Variants in NPHS1 observed in about 807,000 individuals in gnomAD.
The protein encoded by NPHS1 is NPHS1 adhesion molecule, nephrin.
In NPHS1, 107 loss-of-function variants were observed where a neutral mutation model predicts 139.7. The observed-to-expected ratio is 0.77, with a 90% CI of 0.66 to 0.90. NPHS1 has a LOEUF of 0.90. NPHS1 is among the 40% of genes least tolerant of loss of function. The pLI is 0.00. For missense variants in NPHS1, 1,580 were observed against 1,654.2 expected, an observed-to-expected ratio of 0.96 and a Z score of 0.78; for synonymous variants, 707 against 706.6, an observed-to-expected ratio of 1.00 and a Z score of -0.01.
At chr19:35,827,992 A>G (rs1297666239) in intron 28 of NPHS1, among the ~76,000 whole-genome samples, 1 of 152,202 alleles carries the variant, frequency 6.6e-6, no homozygotes, top group Admixed American at 6.5e-5. Context: ...GCAACTGTGG[A>G]ATGTAAGTTA....
chr19:35,851,104 G>A lies in NPHS1; in HGVS notation c.398-15C>T. 6.2e-7 allele frequency: 1 copy of A among 1,614,156 alleles called. No individual in the cohort carries two copies. Among genetic ancestry groups the A allele is most frequent in the Middle Eastern group, 1.6e-4 (1 of 6,062 alleles). On this transcript the variant is annotated splice_polypyrimidine_tract_variant and intron_variant, in intron 3 of 28. Transcript: ENST00000378910. ...CTTGGGAGGAACTGGTGAGAGAAGG[G>A]TCTGGGGTAAGCTTCCAGCACTGAG...
chr19:35,845,341 G>C lies in NPHS1; in HGVS notation c.1930+27C>G. 1 of 1,613,718 alleles carries C rather than the reference G, an allele frequency of 6.2e-7. No homozygotes were observed. The highest frequency in any genetic ancestry group is 8.5e-7 in the Non-Finnish European group (1 of 1,179,608). On this transcript the variant is annotated intron_variant, in intron 14 of 28. Transcript: ENST00000378910. This position sits in a 1 kb window ranked among gnomAD's most constrained non-coding sequence, Gnocchi z 5.5. ...TAGTTTAGGGTCAAGAAGGCATCGA[G>C]AGGGGCTTTCAGGCCGGGGCACATA...
At chr19:35,828,544 A>G (rs1236323057) in intron 28 of NPHS1, among the ~76,000 whole-genome samples, 1 of 152,226 alleles carries the variant, frequency 6.6e-6, no homozygotes, top group East Asian at 1.9e-4. Context: ...GATTATAGGC[A>G]TGAGCCACCG....
Position 35,848,839 on chromosome 19 carries a change from C to T in NPHS1, c.1013-45G>A, listed in dbSNP as rs1320677040. 3.7e-6 allele frequency: 6 copies of T among 1,613,492 alleles called. No homozygotes were observed. The East Asian group carries it at 1.1e-4, about 30-fold the overall frequency. On this transcript the variant is annotated intron_variant, in intron 8 of 28. Coordinates refer to ENST00000378910, the MANE Select transcript of NPHS1 (RefSeq NM_004646.4). ...AGACACTAAGCTGGGCTGGATTTCTCACAGACCAGCCCAGACAGAACAGGA... is the reference window on the plus strand; with the variant it reads ...AGACACTAAGCTGGGCTGGATTTCTTACAGACCAGCCCAGACAGAACAGGA...
In NPHS1 at chr19:35,825,551, C is replaced by G. The variant is rs1460548620; in HGVS notation, c.*963G>C. 6.6e-6 allele frequency among the ~76,000 whole-genome samples: 1 copy of G among 151,470 alleles called. No individual in the cohort carries two copies. The highest frequency in any genetic ancestry group is 1.5e-5 in the Non-Finnish European group (1 of 67,900). ...TTCTCCCATGCCTTTTTGCAGTCAA[C>G]CCTCCTCTCATGGCCCCAGGAAACC... is the stretch of plus-strand genomic sequence containing the variant. On this transcript the variant is annotated 3_prime_UTR_variant, in exon 29 of 29. Coordinates refer to ENST00000378910, the MANE Select transcript of NPHS1 (RefSeq NM_004646.4).
chr19:35,849,253 T>C lies in NPHS1; in HGVS notation c.823A>G (p.Thr275Ala). Residue 275 changes from threonine to alanine, a missense_variant, in exon 7 of 29, where the codon ACA becomes GCA. By Grantham distance (58) the Thr-to-Ala change is moderately conservative (BLOSUM62 0). Transcript: ENST00000378910. ...GCCCTCACCTTCAGCCACTGCAGTG[T>C]GGCTAAGGGATTACCCCCTCGGGCC... ...CVARGGNPLA[T>A]LQWLKNGQPV... is the part of the protein sequence containing the mutation. 6.2e-7 allele frequency: 1 copy of C among 1,613,862 alleles called. No homozygotes were observed.
chr19:35,831,083 G>A lies in NPHS1; in HGVS notation c.3451C>T (p.Pro1151Ser). Residue 1151 changes from proline (P) to serine (S), a missense_variant, in exon 27 of 29, where the codon CCG becomes TCG. By Grantham distance (74) the Pro-to-Ser change is moderately conservative (BLOSUM62 -1). Transcript: ENST00000378910. The part of the protein sequence containing the change: ...SLRDFSPQLP[P>S]TQEEVSYSRG... ...GAATAAGACACCTCCTCCTGCGTCG[G>A]GGGCAGCTGGGGGCTGAAGTCCCTC... 1 of 1,614,134 alleles carries A rather than the reference G, an allele frequency of 6.2e-7. No homozygotes were observed.
At chr19:35,840,818 A>T (rs376426049) in intron 20 of NPHS1, among the ~76,000 whole-genome samples, 2 of 148,910 alleles carry the variant, frequency 1.3e-5, no homozygotes, top group Non-Finnish European at 3.0e-5. Context: ...CCTCCCGAGT[A>T]ACTGGGATTA....
Position 35,845,180 on chromosome 19 carries a change from G to A in NPHS1, c.1930+188C>T, listed in dbSNP as rs1199136492. ...AGCTACTCGGGAGGCTGAGGTGGGA[G>A]TATCACTTGAGCTCAGGAGTTGGAG... On this transcript the variant is annotated intron_variant, in intron 14 of 28. Coordinates refer to ENST00000378910, the MANE Select transcript of NPHS1 (RefSeq NM_004646.4). This position sits in a 1 kb window ranked among gnomAD's most constrained non-coding sequence, Gnocchi z 5.5. Among the ~76,000 whole-genome samples the A allele has an allele frequency of 1.3e-5, 2 of 152,288 alleles. No individual in the cohort carries two copies. Among genetic ancestry groups the A allele is most frequent in the East Asian group, 3.9e-4 (2 of 5,186 alleles).
Position 35,850,941 on chromosome 19 carries a change from C to T in NPHS1, c.526+20G>A. 1 of 1,613,686 alleles carries T rather than the reference C, an allele frequency of 6.2e-7. No individual in the cohort carries two copies. Among genetic ancestry groups the T allele is most frequent in the African/African-American group, 1.3e-5 (1 of 75,056 alleles). ...AGAGGCTTCATGCTGCCCCCTGCCA[C>T]CCAGTTCACCCACACTCACTCAGGA... On this transcript the variant is annotated intron_variant, in intron 4 of 28. Coordinates refer to ENST00000378910, the MANE Select transcript of NPHS1 (RefSeq NM_004646.4).
In NPHS1 at chr19:35,839,434, A is replaced by T. The variant is rs761551004; in HGVS notation, c.2928-16T>A. On this transcript the variant is annotated splice_polypyrimidine_tract_variant and intron_variant, in intron 21 of 28. Transcript: ENST00000378910. ...GGCCTCATACCTGCAGGACAGGGGG[A>T]TAGTAAATTCAGGGAAGTGCCCTAG... 6.8e-6 allele frequency: 11 copies of T among 1,613,732 alleles called. No homozygotes were observed. The highest frequency in any genetic ancestry group is 9.3e-6 in the Non-Finnish European group (11 of 1,179,886).
rs1235916533 is a variant in NPHS1, at chr19:35,848,987, A to G, written c.1001T>C (p.Leu334Pro). The change falls in exon 8 of 29, where the codon CTG becomes CCG. Residue 334 changes from leucine to proline, a missense_variant. By Grantham distance (98) the Leu-to-Pro change is moderately conservative. Transcript: ENST00000378910. ...SAGTQEHGIT[L>P]QVTFPPSAII... ...GCACCAGGACTCACAGGTGACCTGC[A>G]GTGTGATGCCGTGCTCCTGGGTCCC... is the stretch of plus-strand genomic sequence containing the variant. 1 of 1,611,888 alleles carries G rather than the reference A, an allele frequency of 6.2e-7. No individual in the cohort carries two copies. The highest frequency in any genetic ancestry group is 8.5e-7 in the Non-Finnish European group (1 of 1,180,026).
chr19:35,826,519 C>T lies in NPHS1; in HGVS notation c.3721G>A (p.Val1241Met), dbSNP rs778231541. ...SLPFELRGHL[V>M] ...CAATGGGGTTGAGAGGGCTCTTACA[C>T]CAGATGTCCCCTCAGCTCGAAGGGC... Residue 1241 changes from valine to methionine, a missense_variant, in exon 29 of 29, where the codon GTG (valine) becomes ATG (methionine). Transcript: ENST00000378910. 19 of 1,613,530 alleles carry T rather than the reference C, an allele frequency of 1.2e-5. No individual in the cohort carries two copies. In the South Asian group the frequency reaches 2.0e-4, roughly 17 times the overall value.
rs911034950 is a variant in NPHS1, at chr19:35,843,743, G to A, written c.2213-150C>T. 4.1e-6 allele frequency: 4 copies of A among 985,220 alleles called. No homozygotes were observed. In the African/African-American group the frequency reaches 4.9e-5, roughly 12 times the overall value. 61.0% of individuals were successfully genotyped at this position (985,220 alleles called of 1,614,324 possible). Reference sequence around the variant, plus strand: ...CTTAATACCAAAGGGTTGGAGGAGAGTTCTCAAGGTTGGTGAGGTTGTCTC... The same window carrying A: ...CTTAATACCAAAGGGTTGGAGGAGAATTCTCAAGGTTGGTGAGGTTGTCTC... On this transcript the variant is annotated intron_variant, in intron 16 of 28. Transcript: ENST00000378910.
Position 35,842,244 on chromosome 19 carries a change from T to G in NPHS1, c.2543A>C (p.Lys848Thr), listed in dbSNP as rs148115230. 1.7e-5 allele frequency: 27 copies of G among 1,613,206 alleles called. No homozygotes were observed. The Middle Eastern group carries it at 6.6e-4, about 39-fold the overall frequency. The change falls in exon 19 of 29, where the codon AAG becomes ACG. Residue 848 changes from lysine (K) to threonine (T), a missense_variant. Physicochemically the swap from Lys to Thr is moderately conservative, Grantham distance 78. Transcript: ENST00000378910. Reference sequence around the variant, plus strand: ...GGTGCTGTCTCCAGCTGCAGCCACCTTAGTTAGGGGAGTGGGGTGCTCCAC... The same window carrying G: ...GGTGCTGTCTCCAGCTGCAGCCACCGTAGTTAGGGGAGTGGGGTGCTCCAC... ...PQVEHPTPLT[K>T]VAAAGDSTSS...
Position 35,842,098 on chromosome 19 carries a change from T to C in NPHS1, c.2663+26A>G, listed in dbSNP as rs910702360. 1.9e-6 allele frequency: 3 copies of C among 1,594,368 alleles called. No homozygotes were observed. In the Admixed American group the frequency reaches 5.4e-5, roughly 29 times the overall value. On this transcript the variant is annotated intron_variant, in intron 19 of 28. Transcript: ENST00000378910. The stretch of plus-strand genomic sequence containing the variant: ...TGGAGGTCCAGACCTGGGGCTGGAG[T>C]GCTGCCTGGCTGGGCTTGGGCTCAC...
Position 35,848,058 on chromosome 19 carries a change from A to C in NPHS1, c.1423T>G (p.Ser475Ala). 1 of 1,613,814 alleles carries C rather than the reference A, an allele frequency of 6.2e-7. No homozygotes were observed. Among genetic ancestry groups the C allele is most frequent in the Non-Finnish European group, 8.5e-7 (1 of 1,180,006 alleles). ...GCACCAACCTTGTACCACATGAGGG[A>C]GGGCTCTGGGTTGCCCCCGATAGCC... ...CLAIGGNPEP[S>A]LMWYKDSRTV... Residue 475 changes from serine to alanine, a missense_variant, in exon 11 of 29, where the codon TCC (serine) becomes GCC (alanine). By Grantham distance (99) the Ser-to-Ala change is moderately conservative. Transcript: ENST00000378910.
Position 35,843,561 on chromosome 19 carries a change from T to G in NPHS1, c.2245A>C (p.Thr749Pro). The part of the protein sequence containing the change: ...APTIRALQDP[T>P]EVNVGGSVDI... ...ACAGAACCCCCGACGTTCACCTCAG[T>G]GGGGTCCTGGAGGGCACGGATGGTG... The change falls in exon 17 of 29, where the codon ACT (threonine) becomes CCT (proline). Residue 749 changes from threonine (T) to proline (P), a missense_variant. Physicochemically the swap from Thr to Pro is conservative, Grantham distance 38. Transcript: ENST00000378910. 6.2e-7 allele frequency: 1 copy of G among 1,613,936 alleles called. No homozygotes were observed. The highest frequency in any genetic ancestry group is 1.7e-5 in the Admixed American group (1 of 60,004).
intron 23 of NPHS1, among the ~76,000 whole-genome samples, chr19:35,835,184 A>G (rs1972939205): frequency 7.2e-6 from 1 of 138,208 alleles, no homozygotes; most frequent in African/African-American, 2.7e-5. Context: ...TGGGCAACAG[A>G]ATGAGACTCT....
Sources: gnomAD v4.1 joint callset for allele counts (sites outside exome capture counted in the v4.1 genomes callset) on GRCh38, gnomAD v4.1.1 for gene constraint, Gnocchi (gnomAD v3.1) non-coding constraint, MANE v1.5 for transcripts, NCBI Gene and HGNC (gene_info 2026-07-23, HGNC 2026-07-21) for gene names.